Variants in RAB11FIP4 observed in about 807,000 individuals in gnomAD.
RAB11FIP4 encodes the protein rab11 family-interacting protein 4.
RAB11FIP4 carries 23 observed loss-of-function variants against 74.3 expected under a neutral mutation model. That is an observed-to-expected ratio of 0.31 (90% CI 0.22 to 0.44). The LOEUF is 0.44. Among genes scored for constraint, RAB11FIP4 ranks in the 20% least tolerant of loss-of-function variants. RAB11FIP4 has a pLI of 1.00. For synonymous variants in RAB11FIP4, 360 were observed against 359.9 expected, an observed-to-expected ratio of 1.00 and a Z score of 0.00; for missense variants, 630 against 863.9, an observed-to-expected ratio of 0.73 and a Z score of 3.39.
chr17:31,463,876 C>T (rs747947721), intron 3 of RAB11FIP4, among the ~76,000 whole-genome samples: 4 of 127,486 alleles, frequency 3.1e-5, no homozygotes, highest in African/African-American at 5.7e-5. Context: ...TGCAGTGACC[C>T]GATCTCAGCT....
intron 3 of RAB11FIP4, among the ~76,000 whole-genome samples, chr17:31,511,176 C>T (rs2072444554): frequency 2.0e-5 from 3 of 152,168 alleles, no homozygotes; most frequent in Admixed American, 2.0e-4. Context: ...TTCAGTAACC[C>T]TGAAGCTGCA....
chr17:31,509,757 C>T (rs532352261), intron 3 of RAB11FIP4, among the ~76,000 whole-genome samples: 14 of 152,246 alleles, frequency 9.2e-5, no homozygotes, highest in East Asian at 1.9e-4. Context: ...GATGATCCCT[C>T]GTGACCTGGC....
chr17:31,473,679 G>A (rs534749594), intron 3 of RAB11FIP4, among the ~76,000 whole-genome samples: 27 of 152,372 alleles, frequency 1.8e-4, no homozygotes, highest in African/African-American at 6.0e-4. Flanking sequence ...GATGTAGGTG[G>A]AGGAAAGAGC....
intron 3 of RAB11FIP4, among the ~76,000 whole-genome samples, chr17:31,445,385 G>A (rs2071441217): frequency 6.6e-6 from 1 of 151,118 alleles, no homozygotes; most frequent in Non-Finnish European, 1.5e-5. Flanking sequence ...AGTTAGTTGC[G>A]GACATGACAC....
intron 3 of RAB11FIP4, among the ~76,000 whole-genome samples, chr17:31,478,461 G>T (rs1450689083): frequency 6.6e-6 from 1 of 152,182 alleles, no homozygotes; most frequent in African/African-American, 2.4e-5. Context: ...GAAGCCTGGG[G>T]TTAAAAGCTA....
At chr17:31,444,883 T>C (rs2071437236) in intron 3 of RAB11FIP4, among the ~76,000 whole-genome samples, 1 of 152,224 alleles carries the variant, frequency 6.6e-6, no homozygotes, top group African/African-American at 2.4e-5. Flanking sequence ...GGATGAGTTA[T>C]CCCTACCTGC....
At chr17:31,472,733 A>C (rs1258301374) in intron 3 of RAB11FIP4, among the ~76,000 whole-genome samples, 3 of 152,140 alleles carry the variant, frequency 2.0e-5, no homozygotes, top group Non-Finnish European at 4.4e-5. Context: ...GCCGAGCCAG[A>C]CAGAAGTGAG....
chr17:31,414,484 A>T (rs1027885685), intron 1 of RAB11FIP4, among the ~76,000 whole-genome samples: 1 of 152,196 alleles, frequency 6.6e-6, no homozygotes, highest in Non-Finnish European at 1.5e-5. Context: ...GCTCCTATTC[A>T]GACCCCAAAC....
At chr17:31,510,023 A>G (rs2072423301) in intron 3 of RAB11FIP4, among the ~76,000 whole-genome samples, 1 of 152,160 alleles carries the variant, frequency 6.6e-6, no homozygotes, top group Non-Finnish European at 1.5e-5. Flanking sequence ...CAGGGTTGGC[A>G]GCTGCAGCAG....
chr17:31,513,932 G>A (rs1056661936), intron 3 of RAB11FIP4, among the ~76,000 whole-genome samples: 1 of 152,188 alleles, frequency 6.6e-6, no homozygotes, highest in African/African-American at 2.4e-5. Context: ...GGTGTCAGAC[G>A]GAGCTGATGA....
intron 3 of RAB11FIP4, among the ~76,000 whole-genome samples, chr17:31,467,902 T>G (rs1192442569): frequency 6.6e-6 from 1 of 152,162 alleles, no homozygotes; most frequent in Non-Finnish European, 1.5e-5. Flanking sequence ...AAATAGCAAG[T>G]GGAAGGCCTG....
chr17:31,529,842 C>T (rs1597988290), intron 13 of RAB11FIP4, among the ~76,000 whole-genome samples: 1 of 152,200 alleles, frequency 6.6e-6, no homozygotes, highest in East Asian at 1.9e-4. Context: ...CATTAGGGCT[C>T]TTTAGGCAAA....
chr17:31,445,663 G>A (rs537333237), intron 3 of RAB11FIP4, among the ~76,000 whole-genome samples: 2 of 140,162 alleles, frequency 1.4e-5, no homozygotes, highest in Admixed American at 1.5e-4. Flanking sequence ...TCCGCTCACC[G>A]CAACCTCCGC....
chr17:31,411,002 T>C (rs909758778), intron 1 of RAB11FIP4, among the ~76,000 whole-genome samples: 2 of 152,148 alleles, frequency 1.3e-5, no homozygotes, highest in African/African-American at 4.8e-5. Flanking sequence ...CCTCCCATCT[T>C]TCCACCCTGG....
At chr17:31,518,272 C>T (rs950764543) in intron 4 of RAB11FIP4, among the ~76,000 whole-genome samples, 3 of 149,526 alleles carry the variant, frequency 2.0e-5, no homozygotes, top group Admixed American at 6.8e-5. Flanking sequence ...GCAGGAGGAT[C>T]GCTTGAGCCC....
intron 1 of RAB11FIP4, among the ~76,000 whole-genome samples, chr17:31,408,905 G>A (rs1027277685): frequency 1.3e-5 from 2 of 152,226 alleles, no homozygotes; most frequent in East Asian, 3.8e-4. Context: ...AGAGAGGGAA[G>A]GGGGCCAGCA....
At chr17:31,458,276 C>A (rs914131239) in intron 3 of RAB11FIP4, among the ~76,000 whole-genome samples, 3 of 152,192 alleles carry the variant, frequency 2.0e-5, no homozygotes, top group Non-Finnish European at 4.4e-5. Context: ...GAGGCAGGAC[C>A]AGAGGACTCC....
intron 1 of RAB11FIP4, among the ~76,000 whole-genome samples, chr17:31,430,008 TG>T (rs1355728350): frequency 6.6e-6 from 1 of 152,058 alleles, no homozygotes; most frequent in Non-Finnish European, 1.5e-5. Context: ...ACAAATTGTT[TG>T]AAGGGAAAGT....
intron 3 of RAB11FIP4, among the ~76,000 whole-genome samples, chr17:31,476,753 C>T (rs2071797321): frequency 6.6e-6 from 1 of 152,260 alleles, no homozygotes; most frequent in Admixed American, 6.5e-5. Flanking sequence ...GAAGCTCCTT[C>T]AGCCCTCCTG....
Sources: allele counts gnomAD v4.1 joint callset (sites outside exome capture counted in the v4.1 genomes callset), GRCh38; gene constraint gnomAD v4.1.1; transcripts MANE v1.5; gene names NCBI Gene and HGNC (gene_info 2026-07-23, HGNC 2026-07-21).